Variants in SLC1A1 observed in about 807,000 individuals in gnomAD.
SLC1A1 encodes excitatory amino acid transporter 3.
In SLC1A1, 43 loss-of-function variants were observed where a neutral mutation model predicts 53.3. The ratio of observed to expected loss-of-function variants is 0.81; its 90% CI spans 0.63 to 1.04. The LOEUF (loss-of-function observed/expected upper bound fraction) is 1.04, where lower values mean the gene tolerates loss of function less well. Ranked by LOEUF, SLC1A1 falls within the 50% of genes least tolerant of loss-of-function variation. SLC1A1 has a pLI of 0.00. For synonymous variants in SLC1A1, 307 were observed against 243.2 expected (o/e 1.26, Z -2.44); for missense variants, 748 against 664.9 (o/e 1.12, Z -1.37).
chr9:4,499,225 AG>A (rs1363189782), intron 1 of SLC1A1, among the ~76,000 whole-genome samples: 1 of 151,496 alleles, frequency 6.6e-6, no homozygotes, highest in Non-Finnish European at 1.5e-5. Flanking sequence ...TTGTATTTTT[AG>A]TAGAGACAAA....
chr9:4,576,242 C>T lies in SLC1A1; in HGVS notation c.998+119C>T, dbSNP rs1035798898. 4.1e-5 allele frequency: 40 copies of T among 978,630 alleles called. No individual in the cohort carries two copies. The African/African-American group carries it at 5.9e-4, about 14-fold the overall frequency. 60.6% of individuals were successfully genotyped at this position (978,630 alleles called of 1,614,324 possible). On this transcript the variant is annotated intron_variant, in intron 9 of 11. Transcript: ENST00000262352. Reference sequence around the variant, plus strand: ...TGTAGCTGTCTTTGAGAAATGACCTCCGTATTCTCGGCCCCTGGCCCTGAA... The same window carrying T: ...TGTAGCTGTCTTTGAGAAATGACCTTCGTATTCTCGGCCCCTGGCCCTGAA...
At chr9:4,533,121 A>G (rs7867651) in intron 1 of SLC1A1, among the ~76,000 whole-genome samples, 73,780 of 152,044 alleles carry the variant, frequency 0.49, 18,564 homozygotes, top group Non-Finnish European at 0.53. Flanking sequence ...ACCAAATTGT[A>G]AAGACCAGAG....
chr9:4,528,185 A>G (rs1468537455), intron 1 of SLC1A1, among the ~76,000 whole-genome samples: 2 of 152,196 alleles, frequency 1.3e-5, no homozygotes, highest in African/African-American at 4.8e-5. Context: ...CTGCAGGAAC[A>G]AGACACAAAA....
chr9:4,539,806 G>A (rs574319731), intron 1 of SLC1A1, among the ~76,000 whole-genome samples: 6 of 152,128 alleles, frequency 3.9e-5, no homozygotes, highest in South Asian at 2.1e-4. Context: ...TCCTGACCTC[G>A]TGATCCATCT....
intron 1 of SLC1A1, among the ~76,000 whole-genome samples, chr9:4,531,971 T>C (rs1816488737): frequency 6.6e-6 from 1 of 152,082 alleles, no homozygotes; most frequent in African/African-American, 2.4e-5. Context: ...TCAAGCAAAC[T>C]CCAACAGACC....
chr9:4,510,111 G>C (rs756757692), intron 1 of SLC1A1, among the ~76,000 whole-genome samples: 2 of 152,216 alleles, frequency 1.3e-5, no homozygotes, highest in Non-Finnish European at 2.9e-5. Flanking sequence ...TGGGATTACA[G>C]GCATGAGCCA....
intron 1 of SLC1A1, among the ~76,000 whole-genome samples, chr9:4,506,667 G>T (rs1820820210): frequency 6.6e-6 from 1 of 152,152 alleles, no homozygotes; most frequent in African/African-American, 2.4e-5. Flanking sequence ...AACTGTGAAA[G>T]ACTGGACTTA....
chr9:4,570,581 G>C (rs1819938569), intron 6 of SLC1A1, among the ~76,000 whole-genome samples: 1 of 152,056 alleles, frequency 6.6e-6, no homozygotes, highest in Non-Finnish European at 1.5e-5. Context: ...ATGTTGGCCA[G>C]GCTGGTCTTG....
At chr9:4,532,189 G>T (rs1816497042) in intron 1 of SLC1A1, among the ~76,000 whole-genome samples, 1 of 152,160 alleles carries the variant, frequency 6.6e-6, no homozygotes, top group Non-Finnish European at 1.5e-5. Context: ...ACCAGCAATG[G>T]AACAAAGCTG....
chr9:4,519,824 C>T lies in SLC1A1; in HGVS notation c.92-24743C>T, dbSNP rs189866489. ...TTTCTGCTGTGTCTTACATCTTCACCTAGATTGTAAACCACATGGGGACCC... is the reference window on the plus strand; with the variant it reads ...TTTCTGCTGTGTCTTACATCTTCACTTAGATTGTAAACCACATGGGGACCC... On this transcript the variant is annotated intron_variant, in intron 1 of 11. Transcript: ENST00000262352. 1.1e-3 allele frequency among the ~76,000 whole-genome samples: 167 copies of T among 152,290 alleles called. 2 individuals are homozygous for T. The highest frequency in any genetic ancestry group is 3.7e-3 in the East Asian group (19 of 5,186).
At chr9:4,524,505 C>T (rs946887280) in intron 1 of SLC1A1, among the ~76,000 whole-genome samples, 2 of 152,160 alleles carry the variant, frequency 1.3e-5, no homozygotes, top group Non-Finnish European at 2.9e-5. Context: ...GTGCTAAGGT[C>T]TAGACCTGTC....
At chr9:4,550,798 T>C (rs765399816) in intron 2 of SLC1A1, among the ~76,000 whole-genome samples, 3 of 152,238 alleles carry the variant, frequency 2.0e-5, no homozygotes, top group Admixed American at 1.3e-4. Flanking sequence ...TTGGTTGCCT[T>C]TCAAGCAAGG....
chr9:4,541,436 T>C (rs1362426362), intron 1 of SLC1A1, among the ~76,000 whole-genome samples: 1 of 152,234 alleles, frequency 6.6e-6, no homozygotes, highest in Non-Finnish European at 1.5e-5. Flanking sequence ...CTTGTTTTCG[T>C]TTCCTTTCCA....
intron 1 of SLC1A1, among the ~76,000 whole-genome samples, chr9:4,520,197 A>T (rs1037097964): frequency 6.6e-6 from 1 of 152,150 alleles, no homozygotes; most frequent in African/African-American, 2.4e-5. Flanking sequence ...AGACGGTGAG[A>T]CTTTCAGATC....
At chr9:4,513,464 C>G (rs1301578274) in intron 1 of SLC1A1, among the ~76,000 whole-genome samples, 1 of 152,084 alleles carries the variant, frequency 6.6e-6, no homozygotes, top group Non-Finnish European at 1.5e-5. Context: ...TATTCAGCAT[C>G]GTTGGCCGTT....
intron 1 of SLC1A1, among the ~76,000 whole-genome samples, chr9:4,512,696 C>G (rs1342542084): frequency 6.6e-6 from 1 of 152,156 alleles, no homozygotes; most frequent in South Asian, 2.1e-4. Context: ...TTGCACCAAC[C>G]TAATAGATGA....
intron 10 of SLC1A1, 146 bp downstream of exon 10, chr9:4,576,909 A>G (rs147755482): frequency 8.7e-5 from 68 of 780,908 alleles, no homozygotes; most frequent in Admixed American, 2.3e-4. Flanking sequence ...AAATACGACT[A>G]TATCCTGGTA....
At chr9:4,498,309 A>G (rs190251778) in intron 1 of SLC1A1, among the ~76,000 whole-genome samples, 30 of 152,326 alleles carry the variant, frequency 2.0e-4, no homozygotes, top group African/African-American at 6.7e-4. Context: ...TACCATGGTA[A>G]TATGTTCTAT....
At chr9:4,518,470 G>C (rs1173191033) in intron 1 of SLC1A1, among the ~76,000 whole-genome samples, 1 of 151,884 alleles carries the variant, frequency 6.6e-6, no homozygotes, top group African/African-American at 2.4e-5. Flanking sequence ...GAGCTCAAGC[G>C]ATCATCCCAC....
Sources: gnomAD v4.1 joint callset for allele counts (sites outside exome capture counted in the v4.1 genomes callset) on GRCh38, gnomAD v4.1.1 for gene constraint, MANE v1.5 for transcripts, NCBI Gene and HGNC (gene_info 2026-07-23, HGNC 2026-07-21) for gene names.